The following DLG2 variants were observed in gnomAD, a reference collection of about 807,000 sequenced individuals.
DLG2 encodes the protein discs large MAGUK scaffold protein 2, also known as disks large homolog 2.
A neutral mutation model predicts 132.5 loss-of-function variants in DLG2; 45 were observed. The observed-to-expected ratio is 0.34, with a 90% CI of 0.27 to 0.44. The LOEUF (loss-of-function observed/expected upper bound fraction) is 0.44, where lower values mean the gene tolerates loss of function less well. Among genes scored for constraint, DLG2 ranks in the 20% least tolerant of loss-of-function variants. The pLI is 1.00. For missense variants in DLG2, 1,045 were observed against 1,196.9 expected (o/e 0.87, Z 1.87); for synonymous variants, 424 against 419.6 (o/e 1.01, Z -0.13).
At chr11:85,370,845 G>C (rs1292051948) in intron 3 of DLG2, among the ~76,000 whole-genome samples, 2 of 152,024 alleles carry the variant, frequency 1.3e-5, no homozygotes, top group Non-Finnish European at 2.9e-5. Context: ...ATCTTCTTTA[G>C]GTTATATATT....
intron 7 of DLG2, among the ~76,000 whole-genome samples, chr11:84,497,042 A>G (rs1439191032): frequency 6.6e-6 from 1 of 152,180 alleles, no homozygotes; most frequent in Admixed American, 6.6e-5. Flanking sequence ...GGTCTCGCAT[A>G]AGAACTTAAA....
At chr11:85,520,272 C>T (rs929741724) in intron 3 of DLG2, among the ~76,000 whole-genome samples, 4 of 151,882 alleles carry the variant, frequency 2.6e-5, no homozygotes, top group African/African-American at 9.7e-5. Context: ...AATGAAATAT[C>T]TAGGAATACC....
chr11:84,910,293 A>G (rs898902692), intron 6 of DLG2, among the ~76,000 whole-genome samples: 17 of 152,328 alleles, frequency 1.1e-4, no homozygotes, highest in African/African-American at 3.8e-4. Flanking sequence ...GGGAAAAAGT[A>G]AGTGCTATAC....
chr11:85,509,238 GT>G (rs1271854866), intron 3 of DLG2, among the ~76,000 whole-genome samples: 1 of 151,940 alleles, frequency 6.6e-6, no homozygotes, highest in East Asian at 1.9e-4. Flanking sequence ...GAAACCAAGA[GT>G]TTTTCTTCAA....
chr11:84,740,923 C>T (rs1206876821), intron 6 of DLG2, among the ~76,000 whole-genome samples: 1 of 152,106 alleles, frequency 6.6e-6, no homozygotes, highest in Non-Finnish European at 1.5e-5. Context: ...TCATGGTGCC[C>T]TCCACACCAC....
chr11:84,112,624 T>A (rs2093424694), intron 9 of DLG2, among the ~76,000 whole-genome samples: 1 of 152,168 alleles, frequency 6.6e-6, no homozygotes, highest in African/African-American at 2.4e-5. Context: ...GGTTCTCATT[T>A]GCTACAGCCA....
chr11:84,928,835 A>T (rs1410890164), intron 6 of DLG2, among the ~76,000 whole-genome samples: 1 of 151,154 alleles, frequency 6.6e-6, no homozygotes, highest in East Asian at 1.9e-4. Flanking sequence ...TAATGCATTT[A>T]TATACCTGGA....
intron 3 of DLG2, among the ~76,000 whole-genome samples, chr11:85,426,622 T>C (rs2090764873): frequency 6.6e-6 from 1 of 151,786 alleles, no homozygotes; most frequent in South Asian, 2.1e-4. Context: ...CAAAACCCCA[T>C]CTGTACGTTA....
chr11:85,310,597 A>G (rs893547420), intron 3 of DLG2, among the ~76,000 whole-genome samples: 6 of 152,182 alleles, frequency 3.9e-5, no homozygotes, highest in Non-Finnish European at 8.8e-5. Context: ...GAAAAACTAG[A>G]AAAATCAGAC....
intron 18 of DLG2, among the ~76,000 whole-genome samples, chr11:83,657,576 T>C (rs2072946318): frequency 6.8e-6 from 1 of 147,556 alleles, no homozygotes; most frequent in Admixed American, 6.8e-5. Flanking sequence ...TCTCGTTCTG[T>C]CACCCAGGCT....
At chr11:84,720,197 T>G (rs2061650658) in intron 6 of DLG2, 3 of 916,450 alleles carry the variant, frequency 3.3e-6, no homozygotes, top group Admixed American at 6.2e-5. Flanking sequence ...GCAGCTTCTG[T>G]CACTCTCCCA....
intron 6 of DLG2, among the ~76,000 whole-genome samples, chr11:85,056,145 G>C (rs1333841706): frequency 6.6e-6 from 1 of 152,000 alleles, no homozygotes; most frequent in Non-Finnish European, 1.5e-5. Flanking sequence ...CATTGATACA[G>C]ATATTAGAGT....
intron 18 of DLG2, among the ~76,000 whole-genome samples, chr11:83,658,363 A>G (rs959137541): frequency 6.6e-6 from 1 of 152,212 alleles, no homozygotes; most frequent in Non-Finnish European, 1.5e-5. Context: ...GAGAAGAAAA[A>G]TTCTTGCCAA....
chr11:84,902,999 C>T (rs530853346), intron 6 of DLG2, among the ~76,000 whole-genome samples: 2 of 151,996 alleles, frequency 1.3e-5, no homozygotes, highest in Non-Finnish European at 2.9e-5. Context: ...TTTACCTTTT[C>T]TTTTCTGAAG....
intron 17 of DLG2, among the ~76,000 whole-genome samples, chr11:83,797,606 C>T (rs771951151): frequency 1.1e-4 from 17 of 151,990 alleles, no homozygotes; most frequent in Non-Finnish European, 2.1e-4. Flanking sequence ...GCAAGCTTCG[C>T]CTTCTGGGTT....
chr11:84,937,664 G>A (rs56167421), intron 6 of DLG2, among the ~76,000 whole-genome samples: 2,913 of 152,164 alleles, frequency 0.019, 92 homozygotes, highest in African/African-American at 0.066. Context: ...AGAGGTAAAT[G>A]GATAGTTCAT....
chr11:84,763,909 G>A (rs1224571423), intron 6 of DLG2, among the ~76,000 whole-genome samples: 2 of 152,112 alleles, frequency 1.3e-5, no homozygotes, highest in Non-Finnish European at 2.9e-5. Flanking sequence ...TTGTTGGGGT[G>A]AGGGGCTACA....
intron 7 of DLG2, among the ~76,000 whole-genome samples, chr11:84,268,390 T>C (rs980415139): frequency 6.6e-6 from 1 of 152,118 alleles, no homozygotes. Flanking sequence ...TCTCTGAGGT[T>C]GGAACACTGA....
Position 85,610,141 on chromosome 11 carries a change from C to T in DLG2, c.-92-11353G>A, listed in dbSNP as rs182897960. On this transcript the variant is annotated intron_variant, in intron 2 of 27. Transcript: ENST00000376104. ...GTCCAAATCAGGCTAAAAGATCCCA[C>T]CACTTTTCCTTATCAAAGGTAACAT... 2.2e-3 allele frequency among the ~76,000 whole-genome samples: 328 copies of T among 152,258 alleles called. 1 individual carries two copies. The highest frequency in any genetic ancestry group is 7.6e-3 in the African/African-American group (315 of 41,534).
Sources: gnomAD v4.1 joint callset for allele counts (sites outside exome capture counted in the v4.1 genomes callset) on GRCh38, gnomAD v4.1.1 for gene constraint, MANE v1.5 for transcripts, NCBI Gene and HGNC (gene_info 2026-07-23, HGNC 2026-07-21) for gene names.